The following CNTNAP3B variants were observed in gnomAD, a reference collection of about 807,000 sequenced individuals.
CNTNAP3B encodes contactin-associated protein-like 3B.
A neutral mutation model predicts 108.9 loss-of-function variants in CNTNAP3B; 25 were observed. The observed-to-expected ratio is 0.23, with a 90% CI of 0.17 to 0.32. CNTNAP3B has a LOEUF of 0.32. CNTNAP3B is among the 10% of genes least tolerant of loss of function. The pLI, the probability that CNTNAP3B is intolerant of heterozygous loss-of-function variation, is 1.00. For missense variants in CNTNAP3B, 252 were observed against 1,210.4 expected, an observed-to-expected ratio of 0.21 and a Z score of 11.75; for synonymous variants, 103 against 473.4, an observed-to-expected ratio of 0.22 and a Z score of 10.16.
At chr9:41,950,875 G>A (rs62536513) in intron 13 of CNTNAP3B, among the ~76,000 whole-genome samples, 1 of 147,254 alleles carries the variant, frequency 6.8e-6, no homozygotes, top group African/African-American at 2.5e-5. Context: ...ATTCTCCTGC[G>A]TCAGCCTCCC....
chr9:42,120,421 C>T (rs1397419864), intron 1 of CNTNAP3B, among the ~76,000 whole-genome samples: 2 of 137,990 alleles, frequency 1.4e-5, no homozygotes, highest in South Asian at 2.4e-4. Context: ...GTGGCAATTC[C>T]TCAGGGATCT....
At chr9:42,020,578 C>T (rs1441352397) in intron 3 of CNTNAP3B, among the ~76,000 whole-genome samples, 34 of 147,436 alleles carry the variant, frequency 2.3e-4, no homozygotes, top group Admixed American at 8.8e-4. Flanking sequence ...CAGCCTCGTT[C>T]TGGGACATGA....
chr9:42,078,437 C>T (rs1827536716), intron 2 of CNTNAP3B, among the ~76,000 whole-genome samples: 1 of 139,960 alleles, frequency 7.1e-6, no homozygotes, highest in East Asian at 2.1e-4. Context: ...ACGATAAGCA[C>T]CTCTAAAGTT....
chr9:41,924,233 C>T lies in CNTNAP3B; in HGVS notation c.2366-140G>A, dbSNP rs1261505280. The T allele has an allele frequency of 0.012, 17,311 of 1,491,206 alleles. 53 individuals carry two copies. In the East Asian group the frequency reaches 0.24, roughly 20 times the overall value. The allele number at this position is 1,491,206 out of a possible 1,614,324, so 92.4% of individuals were successfully genotyped here. On this transcript the variant is annotated intron_variant, in intron 15 of 23. Coordinates refer to ENST00000377561, the MANE Select transcript of CNTNAP3B (RefSeq NM_001201380.3). ...GCTTTCACTGGGGGTTCTGAGCATCCATGTCATATACTGATGACATCAAGA... is the reference window on the plus strand; with the variant it reads ...GCTTTCACTGGGGGTTCTGAGCATCTATGTCATATACTGATGACATCAAGA...
chr9:42,014,742 G>T (rs1460936078), intron 3 of CNTNAP3B, among the ~76,000 whole-genome samples: 2 of 51,226 alleles, frequency 3.9e-5, no homozygotes, highest in Non-Finnish European at 6.9e-5. Context: ...AGTGAGCCGA[G>T]ATCGTGCCAC....
chr9:42,098,688 A>G (rs1284504444), intron 2 of CNTNAP3B, among the ~76,000 whole-genome samples: 1 of 109,692 alleles, frequency 9.1e-6, no homozygotes, highest in African/African-American at 3.6e-5. Context: ...TGTTTTCTGT[A>G]CTTACTGAAA....
In CNTNAP3B at chr9:41,942,682, C is replaced by G. The variant is rs1824395075; in HGVS notation, c.2081-4282G>C. Among the ~76,000 whole-genome samples, 3 of 151,182 alleles carry G rather than the reference C, an allele frequency of 2.0e-5. No homozygotes were observed. The South Asian group carries it at 6.2e-4, about 31-fold the overall frequency. The stretch of plus-strand genomic sequence containing the variant: ...TGCTTCTCCTCTCCCCGCACCTTAT[C>G]ATCAATCAGATCAGTACATTACCTG... On this transcript the variant is annotated intron_variant, in intron 13 of 23. Transcript: ENST00000377561.
chr9:41,968,319 T>C (rs1049374040), intron 10 of CNTNAP3B, among the ~76,000 whole-genome samples: 2 of 141,274 alleles, frequency 1.4e-5, no homozygotes, highest in Non-Finnish European at 3.1e-5. Context: ...CAGAGAGAGA[T>C]GAGCTCCCTG....
chr9:42,043,984 C>T (rs1328795562), intron 3 of CNTNAP3B, among the ~76,000 whole-genome samples: 4 of 114,130 alleles, frequency 3.5e-5, no homozygotes, highest in Admixed American at 2.7e-4. Flanking sequence ...GATGAAAACA[C>T]GTGTCACCCT....
chr9:42,087,061 A>AT (rs1245960732), intron 2 of CNTNAP3B, among the ~76,000 whole-genome samples: 1 of 139,672 alleles, frequency 7.2e-6, no homozygotes, highest in Non-Finnish European at 1.5e-5. Flanking sequence ...TAAGTATTTT[A>AT]TTTTTTAATG....
chr9:41,937,167 G>A lies in CNTNAP3B; in HGVS notation c.2237+1077C>T, dbSNP rs1418728610. On this transcript the variant is annotated intron_variant, in intron 14 of 23. Transcript: ENST00000377561. ...TTTTGAGGTGGAGTCTTGCTCTGTC[G>A]CCCAGGCTGGAGTGCAGTGGCGCGA... 1.5e-4 allele frequency among the ~76,000 whole-genome samples: 23 copies of A among 148,458 alleles called. No homozygotes were observed. In the East Asian group the frequency reaches 3.5e-3, roughly 23 times the overall value.
chr9:41,973,101 C>A (rs997442506), intron 9 of CNTNAP3B, among the ~76,000 whole-genome samples: 12 of 136,878 alleles, frequency 8.8e-5, no homozygotes, highest in Admixed American at 7.9e-4. Context: ...CCATGCCCTG[C>A]TAATTTTTTT....
chr9:42,089,000 T>A (rs1827763544), intron 2 of CNTNAP3B, among the ~76,000 whole-genome samples: 2 of 125,788 alleles, frequency 1.6e-5, no homozygotes, highest in Non-Finnish European at 3.3e-5. Flanking sequence ...GCGAATCCCC[T>A]GAGGCCAGGA....
chr9:41,993,355 A>G (rs971074128), intron 7 of CNTNAP3B: 1 of 123,500 alleles, frequency 8.1e-6, no homozygotes, highest in African/African-American at 3.3e-5. Context: ...AGAAATGGAT[A>G]TAATTCAGTT....
At chr9:41,995,523 T>C (rs1825879374) in intron 7 of CNTNAP3B, among the ~76,000 whole-genome samples, 1 of 134,868 alleles carries the variant, frequency 7.4e-6, no homozygotes, top group African/African-American at 3.0e-5. Flanking sequence ...ATCACGAGGT[T>C]GGGAAATCGA....
rs1361447037 is a variant in CNTNAP3B at position 42,115,610 on chromosome 9, C to G, written c.86-10871G>C. Among the ~76,000 whole-genome samples, 79 of 127,300 alleles carry G rather than the reference C, an allele frequency of 6.2e-4. 12 individuals are homozygous for G. Among genetic ancestry groups the G allele is most frequent in the African/African-American group, 2.5e-3 (79 of 31,098 alleles). 83.5% of individuals were successfully genotyped at this position (127,300 alleles called of 152,430 possible). A position where few individuals can be genotyped will look rare whatever the true frequency, so the allele number is the denominator to read the frequency against. ...GATACCCAGGCAAACAGGGTCTGGA[C>G]TGGACCTCCAGCAAACTCCAACAGA... On this transcript the variant is annotated intron_variant, in intron 1 of 23. Transcript: ENST00000377561.
At position 42,096,042 on chromosome 9, in the gene CNTNAP3B, C is replaced by T. The variant is rs1229252205; in HGVS notation, c.196+8587G>A. Among the ~76,000 whole-genome samples the T allele has an allele frequency of 2.9e-5, 4 of 139,114 alleles. 1 individual carries two copies. The East Asian group carries it at 8.7e-4, about 30-fold the overall frequency. The allele number at this position is 139,114 out of a possible 152,430, so 91.3% of individuals were successfully genotyped here. A position where few individuals can be genotyped will look rare whatever the true frequency, so the allele number is the denominator to read the frequency against. On this transcript the variant is annotated intron_variant, in intron 2 of 23. Transcript: ENST00000377561. ...CAGGAACATGGTCTTGCTCACCTGC[C>T]TTTGGTACCTCAGGGTGTCCTTGGA... is the stretch of plus-strand genomic sequence containing the variant.
chr9:41,948,113 A>G (rs1314306545), intron 13 of CNTNAP3B, among the ~76,000 whole-genome samples: 2 of 150,832 alleles, frequency 1.3e-5, no homozygotes, highest in Admixed American at 1.3e-4. Context: ...TATTTTTGAG[A>G]TGAAATCTCG....
intron 13 of CNTNAP3B, among the ~76,000 whole-genome samples, chr9:41,948,288 C>T (rs1824584804): frequency 1.3e-5 from 2 of 151,786 alleles, no homozygotes; most frequent in African/African-American, 4.8e-5. Context: ...GACGGGGTTT[C>T]ACCATGTTGG....
Sources: allele counts gnomAD v4.1 joint callset (sites outside exome capture counted in the v4.1 genomes callset), GRCh38; gene constraint gnomAD v4.1.1; transcripts MANE v1.5; gene names NCBI Gene and HGNC (gene_info 2026-07-23, HGNC 2026-07-21).